Variants in AOAH observed in about 807,000 individuals in gnomAD.
The protein encoded by AOAH is acyloxyacyl hydrolase, also known as acyloxyacyl hydrolase (neutrophil).
Under a neutral mutation model 92.2 loss-of-function variants are expected in AOAH, and 64 were observed. The ratio of observed to expected loss-of-function variants is 0.69; its 90% CI spans 0.57 to 0.86. AOAH has a LOEUF of 0.86. AOAH is among the 40% of genes least tolerant of loss of function. The probability of loss-of-function intolerance (pLI) is 0.00; values close to 1 mark genes in which losing one functional copy is unlikely to be tolerated. For missense variants in AOAH, 656 were observed against 694.6 expected, an observed-to-expected ratio of 0.94 and a Z score of 0.62; for synonymous variants, 263 against 254.5, an observed-to-expected ratio of 1.03 and a Z score of -0.32.
At chr7:36,580,604 A>G (rs1305240712) in intron 12 of AOAH, among the ~76,000 whole-genome samples, 1 of 151,558 alleles carries the variant, frequency 6.6e-6, no homozygotes, top group African/African-American at 2.4e-5. Flanking sequence ...TTGTTTCTGT[A>G]TTTTCTTTCA....
At chr7:36,672,696 T>C (rs1796005725) in intron 3 of AOAH, among the ~76,000 whole-genome samples, 1 of 151,904 alleles carries the variant, frequency 6.6e-6, no homozygotes, top group Non-Finnish European at 1.5e-5. Context: ...AGATGACGGG[T>C]TGATAGGTGC....
chr7:36,565,397 C>T (rs1472777943), intron 13 of AOAH, among the ~76,000 whole-genome samples: 1 of 152,186 alleles, frequency 6.6e-6, no homozygotes, highest in Non-Finnish European at 1.5e-5. Flanking sequence ...GACTTCTTTG[C>T]TTCTTTCCAA....
intron 1 of AOAH, among the ~76,000 whole-genome samples, chr7:36,711,728 G>A (rs374106698): frequency 7.9e-5 from 12 of 152,188 alleles, no homozygotes; most frequent in East Asian, 5.8e-4. Context: ...CAGCTAGACC[G>A]CGAAGATCTG....
In AOAH at chr7:36,517,192, T is replaced by TTCTTTC. The variant is rs1183905404; in HGVS notation, c.1600-3818_1600-3813dup. On this transcript the variant is annotated intron_variant, in intron 20 of 20. Coordinates refer to ENST00000617537, the MANE Select transcript of AOAH (RefSeq NM_001637.4). Reference sequence around the variant, plus strand: ...TTTCTTTCTTTCTTTCTTTCTTTCTTTCTTTCTTTCTTTCTTTCTTTCTCT... The same window carrying TTCTTTC: ...TTTCTTTCTTTCTTTCTTTCTTTCTTTCTTTCTCTTTCTTTCTTTCTTTCTTTCTCT... Among the ~76,000 whole-genome samples, 9 of 67,726 alleles carry TTCTTTC rather than the reference T, an allele frequency of 1.3e-4. No homozygotes were observed. The Admixed American group carries it at 1.8e-3, about 13-fold the overall frequency. The allele number at this position is 67,726 out of a possible 152,430, so 44.4% of individuals were successfully genotyped here. A position where few individuals can be genotyped will look rare whatever the true frequency, so the allele number is the denominator to read the frequency against.
At chr7:36,647,932 A>T (rs1794324813) in intron 4 of AOAH, among the ~76,000 whole-genome samples, 1 of 151,802 alleles carries the variant, frequency 6.6e-6, no homozygotes, top group African/African-American at 2.4e-5. Context: ...CTGGGTTCAA[A>T]CTATTCTCCT....
chr7:36,629,299 T>C (rs537505088), intron 6 of AOAH, among the ~76,000 whole-genome samples: 28 of 152,364 alleles, frequency 1.8e-4, no homozygotes, highest in Middle Eastern at 3.4e-3. Flanking sequence ...TGGCCACTGA[T>C]GCTCTTGAAT....
intron 19 of AOAH, 116 bp downstream of exon 19, chr7:36,530,302 G>C: frequency 1.4e-6 from 1 of 703,608 alleles, no homozygotes; most frequent in Non-Finnish European, 2.5e-6. Flanking sequence ...GAATAGGCAG[G>C]AGTAACCCTG....
rs377703491 is a variant in AOAH at position 36,527,550 on chromosome 7, A to G, written c.1522+2868T>C. Among the ~76,000 whole-genome samples the G allele has an allele frequency of 1.8e-3, 280 of 152,100 alleles. 1 individual carries two copies. Among genetic ancestry groups the G allele is most frequent in the African/African-American group, 6.2e-3 (256 of 41,502 alleles). ...GGAGCTGGGGGGTGGGTTGGACATC[A>G]GGAGTGAAGGAGTTGCTTCATACAC... On this transcript the variant is annotated intron_variant, in intron 19 of 20. Transcript: ENST00000617537.
intron 18 of AOAH, among the ~76,000 whole-genome samples, chr7:36,531,911 C>T (rs902109346): frequency 2.0e-5 from 3 of 151,822 alleles, no homozygotes; most frequent in African/African-American, 4.8e-5. Flanking sequence ...TGTGTACACA[C>T]GAGAGAGACA....
At chr7:36,616,980 C>G (rs955632462) in intron 10 of AOAH, among the ~76,000 whole-genome samples, 2 of 152,164 alleles carry the variant, frequency 1.3e-5, no homozygotes, top group Non-Finnish European at 2.9e-5. Context: ...ATAGAAAGGT[C>G]TGTATGCAGC....
At chr7:36,524,407 G>A (rs1784276650) in intron 19 of AOAH, among the ~76,000 whole-genome samples, 1 of 151,748 alleles carries the variant, frequency 6.6e-6, no homozygotes, top group African/African-American at 2.4e-5. Flanking sequence ...AGCACTTTGG[G>A]AGGCCTAGGA....
Position 36,513,646 on chromosome 7 carries a change from C to T in AOAH, c.1600-266G>A, listed in dbSNP as rs185331648. Among the ~76,000 whole-genome samples the T allele has an allele frequency of 5.3e-5, 8 of 152,332 alleles. No individual in the cohort carries two copies. The East Asian group carries it at 5.8e-4, about 11-fold the overall frequency. On this transcript the variant is annotated intron_variant, in intron 20 of 20. Coordinates refer to ENST00000617537, the MANE Select transcript of AOAH (RefSeq NM_001637.4). ...GCTTGGCCTTGCTAGTGACTGGCTTCGGAGGCTCTCCTTTCTGGGCTGGAG... is the reference window on the plus strand; with the variant it reads ...GCTTGGCCTTGCTAGTGACTGGCTTTGGAGGCTCTCCTTTCTGGGCTGGAG...
intron 12 of AOAH, among the ~76,000 whole-genome samples, chr7:36,583,178 G>A (rs145460268): frequency 0.01 from 1,574 of 152,168 alleles, 27 homozygotes; most frequent in African/African-American, 0.037. Flanking sequence ...TAGGGAATAA[G>A]TTACAAAAAA....
chr7:36,514,688 G>T, intron 20 of AOAH: 1 of 816,370 alleles, frequency 1.2e-6, no homozygotes, highest in Non-Finnish European at 2.0e-6. Flanking sequence ...TGAGCAATGA[G>T]AAATGTGATT....
At chr7:36,683,809 C>A (rs1316069487) in intron 2 of AOAH, among the ~76,000 whole-genome samples, 2 of 152,036 alleles carry the variant, frequency 1.3e-5, no homozygotes, top group Non-Finnish European at 2.9e-5. Flanking sequence ...CTATTTCTGT[C>A]CACTGAAAAG....
intron 20 of AOAH, among the ~76,000 whole-genome samples, chr7:36,521,670 T>C (rs1487504451): frequency 2.6e-5 from 4 of 151,912 alleles, no homozygotes; most frequent in African/African-American, 9.7e-5. Context: ...TTCCTCCTTT[T>C]CTTTCTTCCT....
chr7:36,569,369 C>T (rs760081050), intron 13 of AOAH, among the ~76,000 whole-genome samples: 35 of 152,048 alleles, frequency 2.3e-4, no homozygotes, highest in Non-Finnish European at 3.7e-4. Flanking sequence ...CATGGGTGGC[C>T]GCAATGCAAA....
intron 3 of AOAH, among the ~76,000 whole-genome samples, chr7:36,669,834 A>G (rs1248879033): frequency 6.6e-6 from 1 of 152,240 alleles, no homozygotes; most frequent in Non-Finnish European, 1.5e-5. Flanking sequence ...GGCTTAGGAC[A>G]TAAGAATTTG....
chr7:36,633,941 A>ACAAATCTGCCTCCAGACATTGC (rs748714633), intron 5 of AOAH, among the ~76,000 whole-genome samples: 1 of 152,138 alleles, frequency 6.6e-6, no homozygotes, highest in Non-Finnish European at 1.5e-5. Flanking sequence ...TGCCCGCCGC[A>ACAAATCTGCCTCCAGACATTGC]CAAATCTGCC....
Sources: allele counts gnomAD v4.1 joint callset (sites outside exome capture counted in the v4.1 genomes callset), GRCh38; gene constraint gnomAD v4.1.1; transcripts MANE v1.5; gene names NCBI Gene and HGNC (gene_info 2026-07-23, HGNC 2026-07-21).